The following ARHGEF4 variants were observed in gnomAD, a reference collection of about 807,000 sequenced individuals.
ARHGEF4 encodes the protein APC-stimulated guanine nucleotide exchange factor 1.
ARHGEF4 carries 119 observed loss-of-function variants against 162.0 expected under a neutral mutation model. That is an observed-to-expected ratio of 0.73 (90% CI 0.63 to 0.86). The LOEUF is 0.86. Among genes scored for constraint, ARHGEF4 ranks in the 40% least tolerant of loss-of-function variants. ARHGEF4 has a pLI of 0.00. For missense variants in ARHGEF4, 2,488 were observed against 2,456.0 expected, an observed-to-expected ratio of 1.01 and a Z score of -0.28; for synonymous variants, 1,014 against 979.9, an observed-to-expected ratio of 1.03 and a Z score of -0.65.
At chr2:130,968,691 G>A (rs532753781) in intron 4 of ARHGEF4, among the ~76,000 whole-genome samples, 8 of 152,040 alleles carry the variant, frequency 5.3e-5, no homozygotes, top group East Asian at 1.9e-4. Context: ...AGGCCAAGGC[G>A]GGCAGATCAC....
At chr2:131,035,545 G>A (rs190078030) in intron 5 of ARHGEF4, 2 of 575,242 alleles carry the variant, frequency 3.5e-6, no homozygotes, top group African/African-American at 2.0e-5. Context: ...CCGAGGATGC[G>A]GATTCAGCTG....
At chr2:130,956,419 T>C (rs1454986680) in intron 4 of ARHGEF4, among the ~76,000 whole-genome samples, 1 of 152,044 alleles carries the variant, frequency 6.6e-6, no homozygotes, top group African/African-American at 2.4e-5. Context: ...TGGCGACTCC[T>C]CAGGGATCTA....
intron 1 of ARHGEF4, among the ~76,000 whole-genome samples, chr2:130,890,887 G>A (rs557328362): frequency 2.6e-5 from 4 of 152,102 alleles, no homozygotes; most frequent in South Asian, 4.2e-4. Context: ...CATGTCTCTC[G>A]AAGAGATAAG....
At chr2:130,970,439 A>G (rs11899806) in intron 4 of ARHGEF4, among the ~76,000 whole-genome samples, 11,023 of 152,070 alleles carry the variant, frequency 0.072, 1,212 homozygotes, top group African/African-American at 0.24. Flanking sequence ...AAATACAAAA[A>G]TTAGCCGGGC....
intron 2 of ARHGEF4, among the ~76,000 whole-genome samples, chr2:130,920,254 A>G (rs1422163881): frequency 1.3e-5 from 2 of 152,222 alleles, no homozygotes; most frequent in Non-Finnish European, 2.9e-5. Context: ...GCCCCCAGGC[A>G]TGCGCCACCA....
At chr2:130,956,776 C>T (rs190464710) in intron 4 of ARHGEF4, among the ~76,000 whole-genome samples, 1 of 134,416 alleles carries the variant, frequency 7.4e-6, no homozygotes, top group Non-Finnish European at 1.5e-5. Flanking sequence ...AATGAGAACA[C>T]ATGGACACAG....
chr2:130,989,254 C>G (rs1686777612), intron 4 of ARHGEF4, among the ~76,000 whole-genome samples: 1 of 152,178 alleles, frequency 6.6e-6, no homozygotes, highest in Non-Finnish European at 1.5e-5. Context: ...AGCCACCGCA[C>G]CCAGCCTCCA....
intron 4 of ARHGEF4, among the ~76,000 whole-genome samples, chr2:130,995,351 G>A (rs936491634): frequency 6.6e-6 from 1 of 152,128 alleles, no homozygotes; most frequent in Non-Finnish European, 1.5e-5. Context: ...TGACTCAAGA[G>A]CTTCCGTTTG....
At chr2:131,039,735 C>G (rs73960401) in intron 6 of ARHGEF4, 189,741 of 1,333,790 alleles carry the variant, frequency 0.14, 17,077 homozygotes, top group African/African-American at 0.43. Flanking sequence ...GGAACTGCAG[C>G]AAGCGCTCCA....
At chr2:130,841,470 T>A (rs561916976) in intron 1 of ARHGEF4, among the ~76,000 whole-genome samples, 31 of 150,572 alleles carry the variant, frequency 2.1e-4, no homozygotes, top group African/African-American at 7.1e-4. Flanking sequence ...GTGCCATGGG[T>A]GAGTCGTCAG....
chr2:130,954,963 A>AT (rs35253583), intron 4 of ARHGEF4, among the ~76,000 whole-genome samples: 79,124 of 149,084 alleles, frequency 0.53, 24,626 homozygotes, highest in East Asian at 0.75. Context: ...GGCTTTGTTC[A>AT]TTTTTTTTTC....
chr2:131,032,395 G>A (rs1405209042), intron 5 of ARHGEF4, among the ~76,000 whole-genome samples: 4 of 151,934 alleles, frequency 2.6e-5, no homozygotes, highest in Non-Finnish European at 2.9e-5. Flanking sequence ...CTGAGTTCCC[G>A]TGCCGCTGGA....
At chr2:130,854,307 A>G (rs1681606570) in intron 1 of ARHGEF4, among the ~76,000 whole-genome samples, 2 of 152,258 alleles carry the variant, frequency 1.3e-5, no homozygotes, top group African/African-American at 4.8e-5. Flanking sequence ...GGGAGGACAA[A>G]TAACACACAT....
chr2:130,964,872 C>G (rs1280340247), intron 4 of ARHGEF4, among the ~76,000 whole-genome samples: 1 of 152,194 alleles, frequency 6.6e-6, no homozygotes. Context: ...CCTGGAGGGC[C>G]TAATTTGGGT....
intron 3 of ARHGEF4, among the ~76,000 whole-genome samples, chr2:130,932,989 G>A (rs1245036566): frequency 6.6e-6 from 1 of 152,174 alleles, no homozygotes; most frequent in East Asian, 1.9e-4. Flanking sequence ...AGCCGAGGCG[G>A]TGGATCACTT....
At chr2:130,965,592 C>CA (rs1684949299) in intron 4 of ARHGEF4, among the ~76,000 whole-genome samples, 2 of 152,190 alleles carry the variant, frequency 1.3e-5, no homozygotes, top group African/African-American at 4.8e-5. Context: ...GGGCCTGAAG[C>CA]AAACTGGCAG....
At chr2:130,868,079 C>A (rs561483396) in intron 1 of ARHGEF4, among the ~76,000 whole-genome samples, 48 of 151,810 alleles carry the variant, frequency 3.2e-4, no homozygotes, top group Admixed American at 2.4e-3. Context: ...GCGCCCGCCA[C>A]CACGCCTGGC....
At chr2:130,896,812 G>A (rs1213312671) in intron 1 of ARHGEF4, among the ~76,000 whole-genome samples, 1 of 152,210 alleles carries the variant, frequency 6.6e-6, no homozygotes, top group Non-Finnish European at 1.5e-5. Flanking sequence ...TGAAGAGCAG[G>A]GTCCGTGTCT....
rs757399946 is a variant in ARHGEF4, at chr2:130,915,549, G to A, written c.1603G>A (p.Val535Met). The change falls in exon 2 of 14, where the codon GTG becomes ATG. Residue 535 changes from valine (V) to methionine (M), a missense_variant. Transcript: ENST00000409359. ...PRQPSSEGTQ[V>M]WSGDLMGCLE... ...GCAGCCTAGCAGTGAGGGGACCCAG[G>A]TGTGGAGTGGAGACTTGATGGGCTG... 1 of 1,550,622 alleles carries A rather than the reference G, an allele frequency of 6.4e-7. No individual in the cohort carries two copies. Among genetic ancestry groups the A allele is most frequent in the South Asian group, 1.2e-5 (1 of 84,056 alleles).
Sources: allele counts gnomAD v4.1 joint callset (sites outside exome capture counted in the v4.1 genomes callset), GRCh38; gene constraint gnomAD v4.1.1; transcripts MANE v1.5; gene names NCBI Gene and HGNC (gene_info 2026-07-23, HGNC 2026-07-21).